Variants in EOMES observed in about 807,000 individuals in gnomAD.
EOMES encodes eomesodermin homolog.
Under a neutral mutation model 61.0 loss-of-function variants are expected in EOMES, and 18 were observed. The ratio of observed to expected loss-of-function variants is 0.30; its 90% CI spans 0.20 to 0.44. The LOEUF (loss-of-function observed/expected upper bound fraction) is 0.44, where lower values mean the gene tolerates loss of function less well. Ranked by LOEUF, EOMES falls within the 20% of genes least tolerant of loss-of-function variation. The pLI is 1.00. For missense variants in EOMES, 885 were observed against 939.2 expected, an observed-to-expected ratio of 0.94 and a Z score of 0.75; for synonymous variants, 430 against 394.0, an observed-to-expected ratio of 1.09 and a Z score of -1.08.
At position 27,717,975 on chromosome 3, in the gene EOMES, T is replaced by C. The variant is rs2060582899; in HGVS notation, c.1380-167A>G. Among the ~76,000 whole-genome samples, 1 of 152,154 alleles carries C rather than the reference T, an allele frequency of 6.6e-6. No individual in the cohort carries two copies. The highest frequency in any genetic ancestry group is 2.4e-5 in the African/African-American group (1 of 41,412). On this transcript the variant is annotated intron_variant, in intron 5 of 5. Coordinates refer to ENST00000449599, the MANE Select transcript of EOMES (RefSeq NM_001278182.2). The surrounding 1 kb of genome is among the most constrained non-coding windows in gnomAD (Gnocchi z 4.5). ...AGGAGATGCACTGGCCCATTTTAGC[T>C]GGACTCTTGGCTTATTGGGAAAAAT...
rs1043369274 is a variant in EOMES, at chr3:27,717,317, A to G, written c.1871T>C (p.Leu624Pro). Residue 624 changes from leucine to proline, a missense_variant, in exon 6 of 6, where the codon CTC becomes CCC. Leu to Pro is a moderately conservative substitution (Grantham distance 98). Transcript: ENST00000449599. The surrounding 1 kb of genome is among the most constrained non-coding windows in gnomAD (Gnocchi z 4.5). ...TSPTVFSEDQ[L>P]SKEKVKEEIG... Reference sequence around the variant, plus strand: ...TTCCTCTTTCACTTTCTCCTTGGAGAGCTGATCTTCAGAGAACACAGTGGG... The same window carrying G: ...TTCCTCTTTCACTTTCTCCTTGGAGGGCTGATCTTCAGAGAACACAGTGGG... The G allele has an allele frequency of 6.2e-7, 1 of 1,613,984 alleles. No homozygotes were observed. The highest frequency in any genetic ancestry group is 1.3e-5 in the African/African-American group (1 of 74,908).
chr3:27,722,118 G>C lies in EOMES; in HGVS notation c.177C>G (p.Leu59=), dbSNP rs2060621015. 6.4e-7 allele frequency: 1 copy of C among 1,551,472 alleles called. No individual in the cohort carries two copies. Among genetic ancestry groups the C allele is most frequent in the African/African-American group, 1.4e-5 (1 of 73,226 alleles). The part of the protein sequence containing the change: ...DKASKKFSGS[L]SCEAVSGEPA... ...GCTCCCCGCTCACCGCCTCGCAGGA[G>C]AGACTGCCGGAAAACTTCTTGGACG... Residue 59 remains leucine (L), a synonymous_variant, in exon 1 of 6, where the codon CTC becomes CTG. Transcript: ENST00000449599.
Position 27,720,187 on chromosome 3 carries a change from G to C in EOMES, c.1020C>G (p.Ala340=), listed in dbSNP as rs755020715. The change falls in exon 2 of 6, where the codon GCC becomes GCG. Residue 340 remains alanine (A), a synonymous_variant. Coordinates refer to ENST00000449599, the MANE Select transcript of EOMES (RefSeq NM_001278182.2). ...TCTGCTCACCCTGCATGTTATTGTCGGCTTTGCCACAGGTCACCCATTTGC... is the reference window on the plus strand; with the variant it reads ...TCTGCTCACCCTGCATGTTATTGTCCGCTTTGCCACAGGTCACCCATTTGC... The part of the protein sequence containing the change: ...QGGKWVTCGK[A]DNNMQGNKMY... 1 of 1,595,110 alleles carries C rather than the reference G, an allele frequency of 6.3e-7. No homozygotes were observed. Among genetic ancestry groups the C allele is most frequent in the South Asian group, 1.1e-5 (1 of 88,270 alleles).
chr3:27,722,312 C>G lies in EOMES; in HGVS notation c.-18G>C, dbSNP rs747913040. On this transcript the variant is annotated 5_prime_UTR_variant, in exon 1 of 6. Coordinates refer to ENST00000449599, the MANE Select transcript of EOMES (RefSeq NM_001278182.2). The stretch of plus-strand genomic sequence containing the variant: ...AACTGCATGCTTTGCAAAGCGCAGA[C>G]GGCAGCTGGCTGCTTCCTCTCCTCC... 1.3e-6 allele frequency: 2 copies of G among 1,524,970 alleles called. No individual in the cohort carries two copies. The highest frequency in any genetic ancestry group is 1.2e-5 in the South Asian group (1 of 81,582). 94.5% of individuals were successfully genotyped at this position (1,524,970 alleles called of 1,614,324 possible). A position where few individuals can be genotyped will look rare whatever the true frequency, so the allele number is the denominator to read the frequency against.
intron 5 of EOMES, among the ~76,000 whole-genome samples, 181 bp downstream of exon 5, chr3:27,718,406 C>T (rs2060585566): frequency 6.6e-6 from 1 of 152,122 alleles, no homozygotes; most frequent in African/African-American, 2.4e-5. Flanking sequence ...CAGAAATTAA[C>T]ACAACCTTTC....
chr3:27,719,213 C>T, intron 3 of EOMES, 147 bp downstream of exon 3: 3 of 847,790 alleles, frequency 3.5e-6, no homozygotes, highest in Non-Finnish European at 5.6e-6. Flanking sequence ...TGAGAAAGGT[C>T]AAAAGAACAA....
At position 27,717,269 on chromosome 3, in the gene EOMES, G is replaced by A; in HGVS notation, c.1919C>T (p.Thr640Ile). The change falls in exon 6 of 6, where the codon ACA becomes ATA. Residue 640 changes from threonine (T) to isoleucine (I), a missense_variant. Physicochemically the swap from Thr to Ile is moderately conservative, Grantham distance 89. Around this residue, in one of 3 missense-constraint regions of EOMES, gnomAD observed 259 missense variants for 282.3 expected, o/e 0.92. Transcript: ENST00000449599. The surrounding 1 kb of genome is among the most constrained non-coding windows in gnomAD (Gnocchi z 4.5). ...KEEIGSSWIETPPSIKSLDSN... is the reference protein window; with the variant it reads ...KEEIGSSWIEIPPSIKSLDSN... ...ATCTAGAGATTTGATGGAAGGGGGTGTCTCTATCCAAGAAGAGCCAATTTC... is the reference window on the plus strand; with the variant it reads ...ATCTAGAGATTTGATGGAAGGGGGTATCTCTATCCAAGAAGAGCCAATTTC... The A allele has an allele frequency of 1.2e-6, 2 of 1,613,802 alleles. No homozygotes were observed. The highest frequency in any genetic ancestry group is 2.2e-5 in the East Asian group (1 of 44,874).
chr3:27,722,161 T>C lies in EOMES; in HGVS notation c.134A>G (p.Lys45Arg). ...HLPSAAPSPQKLDLDKASKKF... is the reference protein window; with the variant it reads ...HLPSAAPSPQRLDLDKASKKF... ...CTTGGACGCTTTGTCTAAGTCCAAC[T>C]TCTGAGGAGAGGGGGCCGCGCTGGG... is the stretch of plus-strand genomic sequence containing the variant. The change falls in exon 1 of 6, where the codon AAG becomes AGG. Residue 45 changes from lysine to arginine, a missense_variant. Transcript: ENST00000449599. 1 of 1,580,716 alleles carries C rather than the reference T, an allele frequency of 6.3e-7. No homozygotes were observed. The highest frequency in any genetic ancestry group is 8.6e-7 in the Non-Finnish European group (1 of 1,164,314).
rs748502414 is a variant in EOMES at position 27,718,768 on chromosome 3, T to C, written c.1284A>G (p.Gln428=). ...KTQTFTFSET[Q]FIAVTAYQNT... is the part of the protein sequence containing the mutation. Reference sequence around the variant, plus strand: ...TTTGGTAGGCAGTCACTGCAATGAATTGCGTTTCTGAGAAGGTAAAAGTCT... The same window carrying C: ...TTTGGTAGGCAGTCACTGCAATGAACTGCGTTTCTGAGAAGGTAAAAGTCT... Residue 428 remains glutamine, a synonymous_variant, in exon 4 of 6, where the codon CAA becomes CAG. Coordinates refer to ENST00000449599, the MANE Select transcript of EOMES (RefSeq NM_001278182.2). The C allele has an allele frequency of 1.9e-6, 3 of 1,614,220 alleles. No individual in the cohort carries two copies. The highest frequency in any genetic ancestry group is 1.7e-6 in the Non-Finnish European group (2 of 1,180,034).
Position 27,721,554 on chromosome 3 carries a change from T to A in EOMES, c.741A>T (p.Ala247=). 1 of 1,605,690 alleles carries A rather than the reference T, an allele frequency of 6.2e-7. No homozygotes were observed. Among genetic ancestry groups the A allele is most frequent in the African/African-American group, 1.3e-5 (1 of 75,000 alleles). Residue 247 remains alanine, a synonymous_variant, in exon 1 of 6, where the codon GCA becomes GCT. Coordinates refer to ENST00000449599, the MANE Select transcript of EOMES (RefSeq NM_001278182.2). The surrounding 1 kb of genome is among the most constrained non-coding windows in gnomAD (Gnocchi z 7.4). ...CCAGTCCTCCGCAAGATCCCGCCGC[T>A]GCGGCTCCAGGGTACGGCCCGTAGA... ...APLYGPYPGA[A]AAGSCGGLGG...
Position 27,717,800 on chromosome 3 carries a change from G to T in EOMES, c.1388C>A (p.Thr463Asn), listed in dbSNP as rs765563066. ...GFRDNYDSMY[T>N]ASENDRLTPS... is the part of the protein sequence containing the mutation. ...AGTTAACCTGTCATTTTCTGAAGCG[G>T]TGTACATGCTACAATATAAAGAGAA... The change falls in exon 6 of 6, where the codon ACC (threonine) becomes AAC (asparagine). Residue 463 changes from threonine to asparagine, a missense_variant. Coordinates refer to ENST00000449599, the MANE Select transcript of EOMES (RefSeq NM_001278182.2). The surrounding 1 kb of genome is among the most constrained non-coding windows in gnomAD (Gnocchi z 4.5). 2 of 1,600,924 alleles carry T rather than the reference G, an allele frequency of 1.2e-6. No individual in the cohort carries two copies. Among genetic ancestry groups the T allele is most frequent in the South Asian group, 2.2e-5 (2 of 90,534 alleles).
At chr3:27,720,133 G>GC (rs745760614) in intron 2 of EOMES, 38 bp downstream of exon 2, 3 of 1,518,384 alleles carry the variant, frequency 2.0e-6, no homozygotes, top group African/African-American at 2.8e-5. Context: ...ATTTCTTCCC[G>GC]CCCGTTCCTC....
chr3:27,722,337 C>G (rs774069932), upstream of EOMES: 2 of 1,463,000 alleles, frequency 1.4e-6, no homozygotes, highest in African/African-American at 2.9e-5. Flanking sequence ...TCCTCTCCTC[C>G]GGTGGCCTTA....
intron 3 of EOMES, 145 bp from the exon 4 acceptor site, chr3:27,719,038 C>T (rs774594000): frequency 3.7e-5 from 25 of 668,872 alleles, no homozygotes; most frequent in Non-Finnish European, 5.9e-5. Context: ...GTTTAAAGGT[C>T]TCATTATTGC....
chr3:27,719,835 T>C (rs1251239398), intron 2 of EOMES, among the ~76,000 whole-genome samples: 1 of 152,098 alleles, frequency 6.6e-6, no homozygotes, highest in Non-Finnish European at 1.5e-5. Flanking sequence ...TGAACTAAAC[T>C]TTGGCTGGGC....
At position 27,717,490 on chromosome 3, in the gene EOMES, T is replaced by C. The variant is rs368453874; in HGVS notation, c.1698A>G (p.Pro566=). 185 of 1,614,046 alleles carry C rather than the reference T, an allele frequency of 1.1e-4. No individual in the cohort carries two copies. The highest frequency in any genetic ancestry group is 1.5e-4 in the Non-Finnish European group (174 of 1,180,020). Reference sequence around the variant, plus strand: ...GAAGGGGCAAGGATTTAATGCCATATGGGAGCAATGTGCTAGAAGTATATT... The same window carrying C: ...GAAGGGGCAAGGATTTAATGCCATACGGGAGCAATGTGCTAGAAGTATATT... ...ESEYTSSTLL[P]YGIKSLPLQT... The change falls in exon 6 of 6, where the codon CCA becomes CCG. Residue 566 remains proline, a synonymous_variant. Transcript: ENST00000449599. The surrounding 1 kb of genome is among the most constrained non-coding windows in gnomAD (Gnocchi z 4.5).
rs977496246 is a variant in EOMES at position 27,716,676 on chromosome 3, C to A, written c.*394G>T. 2 of 167,950 alleles carry A rather than the reference C, an allele frequency of 1.2e-5. No individual in the cohort carries two copies. The highest frequency in any genetic ancestry group is 4.8e-5 in the African/African-American group (2 of 41,776). 10.4% of individuals were successfully genotyped at this position (167,950 alleles called of 1,614,324 possible). A position where few individuals can be genotyped will look rare whatever the true frequency, so the allele number is the denominator to read the frequency against. On this transcript the variant is annotated 3_prime_UTR_variant, in exon 6 of 6. Coordinates refer to ENST00000449599, the MANE Select transcript of EOMES (RefSeq NM_001278182.2). ...CTCTTTCAGAAGCAAAACACCTTAACACTCGGCTTCTATTTGCTTAAGAAT... is the reference window on the plus strand; with the variant it reads ...CTCTTTCAGAAGCAAAACACCTTAAAACTCGGCTTCTATTTGCTTAAGAAT...
rs2060610038 is a variant in EOMES at position 27,721,215 on chromosome 3, C to T, written c.881+199G>A. ...CGGTGTACAGCCGTAACATTGGCAC[C>T]CTGCAAGAGCCGCCGGGGCACTGAC... is the stretch of plus-strand genomic sequence containing the variant. On this transcript the variant is annotated intron_variant, in intron 1 of 5. Transcript: ENST00000449599. The surrounding 1 kb of genome is among the most constrained non-coding windows in gnomAD (Gnocchi z 7.4). Among the ~76,000 whole-genome samples, 4 of 152,106 alleles carry T rather than the reference C, an allele frequency of 2.6e-5. No individual in the cohort carries two copies. Among genetic ancestry groups the T allele is most frequent in the Non-Finnish European group, 4.4e-5 (3 of 68,018 alleles).
chr3:27,720,457 G>C (rs2060602781), intron 1 of EOMES, 132 bp from the exon 2 acceptor site: 2 of 537,494 alleles, frequency 3.7e-6, no homozygotes, highest in Admixed American at 5.7e-5. Context: ...TGAACAGAAT[G>C]CTGGTAGATC....
Sources: allele counts gnomAD v4.1 joint callset (sites outside exome capture counted in the v4.1 genomes callset), GRCh38; gene constraint gnomAD v4.1.1; regional missense constraint gnomAD v4.1.1; non-coding constraint Gnocchi (gnomAD v3.1); transcripts MANE v1.5; gene names NCBI Gene and HGNC (gene_info 2026-07-23, HGNC 2026-07-21).